SLC24A4: variants seen among roughly 807,000 people sequenced by gnomAD.
SLC24A4 encodes the protein sodium/potassium/calcium exchanger 4.
Under a neutral mutation model 79.0 loss-of-function variants are expected in SLC24A4, and 53 were observed. The observed-to-expected ratio is 0.67, with a 90% CI of 0.54 to 0.84. SLC24A4 has a LOEUF of 0.84. Ranked by LOEUF, SLC24A4 falls within the 40% of genes least tolerant of loss-of-function variation. SLC24A4 has a pLI of 0.00. For missense variants in SLC24A4, 731 were observed against 822.0 expected, an observed-to-expected ratio of 0.89 and a Z score of 1.35; for synonymous variants, 323 against 323.8, an observed-to-expected ratio of 1.00 and a Z score of 0.03.
chr14:92,407,857 T>TTGTG (rs60398538), intron 2 of SLC24A4, among the ~76,000 whole-genome samples: 7,402 of 143,498 alleles, frequency 0.052, 289 homozygotes, highest in African/African-American at 0.1. Flanking sequence ...CAGAGTGATA[T>TTGTG]TGTGTGTGTG....
intron 2 of SLC24A4, among the ~76,000 whole-genome samples, chr14:92,388,567 T>C (rs1386249046): frequency 6.6e-6 from 1 of 152,200 alleles, no homozygotes; most frequent in East Asian, 1.9e-4. Flanking sequence ...CCCTCCTGGC[T>C]CTCGCTGTCT....
intron 12 of SLC24A4, among the ~76,000 whole-genome samples, chr14:92,466,759 T>C (rs1433602619): frequency 4.6e-5 from 7 of 152,062 alleles, no homozygotes; most frequent in Non-Finnish European, 1.5e-5. Flanking sequence ...AATAATAGGA[T>C]TCAGAGGGCA....
chr14:92,463,413 A>G (rs974448712), intron 12 of SLC24A4, among the ~76,000 whole-genome samples: 3 of 152,192 alleles, frequency 2.0e-5, no homozygotes, highest in Non-Finnish European at 2.9e-5. Flanking sequence ...GTGCAGTTCC[A>G]TACACAGTTC....
At chr14:92,356,285 A>G (rs1277609804) in intron 2 of SLC24A4, among the ~76,000 whole-genome samples, 4 of 152,228 alleles carry the variant, frequency 2.6e-5, no homozygotes, top group Non-Finnish European at 5.9e-5. Flanking sequence ...ATGTGACCCC[A>G]TCGTAAGTTG....
chr14:92,391,471 A>G (rs1889457471), intron 2 of SLC24A4, among the ~76,000 whole-genome samples: 1 of 152,152 alleles, frequency 6.6e-6, no homozygotes, highest in Non-Finnish European at 1.5e-5. Context: ...GCTCCAGGAA[A>G]ACAACCTGTC....
At chr14:92,474,811 ACATATATATACATATATATG>A (rs1188457862) in intron 12 of SLC24A4, among the ~76,000 whole-genome samples, 2 of 74,870 alleles carry the variant, frequency 2.7e-5, no homozygotes, top group African/African-American at 9.8e-5. Flanking sequence ...ATACATATAT[ACATATATATACATATATATG>A]TGTGTGTGTG....
intron 2 of SLC24A4, among the ~76,000 whole-genome samples, chr14:92,326,881 T>G (rs774138097): frequency 3.2e-4 from 49 of 152,198 alleles, no homozygotes; most frequent in Admixed American, 8.5e-4. Flanking sequence ...GGCAGAATAG[T>G]TGCCTGTTGT....
intron 2 of SLC24A4, among the ~76,000 whole-genome samples, chr14:92,418,367 G>A (rs1566752310): frequency 6.6e-6 from 1 of 152,084 alleles, no homozygotes; most frequent in Non-Finnish European, 1.5e-5. Flanking sequence ...GGGCAGCTGT[G>A]GCTCCTCACT....
rs1895314958 is a variant in SLC24A4, at chr14:92,485,699, G to A, written c.1423-967G>A. Among the ~76,000 whole-genome samples the A allele has an allele frequency of 2.0e-5, 3 of 152,108 alleles. No individual in the cohort carries two copies. In the South Asian group the frequency reaches 6.2e-4, roughly 32 times the overall value. ...AAAAGTATTTCATGACATTTGAGTG[G>A]GTGAGAGAATCAGGAAGATCAAATT... On this transcript the variant is annotated intron_variant, in intron 13 of 16. Coordinates refer to ENST00000532405, the MANE Select transcript of SLC24A4 (RefSeq NM_153646.4).
chr14:92,343,642 CTCT>C lies in SLC24A4; in HGVS notation c.241+17666_241+17668del, dbSNP rs1886325804. On this transcript the variant is annotated intron_variant, in intron 2 of 16. Coordinates refer to ENST00000532405, the MANE Select transcript of SLC24A4 (RefSeq NM_153646.4). The stretch of plus-strand genomic sequence containing the variant: ...TTTCTTTCTTTCTTTCTTTCTTTCT[CTCT>C]TTCCTTCTTTCCTTCCTTCCTTCCT... Among the ~76,000 whole-genome samples the C allele has an allele frequency of 1.8e-3, 85 of 46,306 alleles. 1 individual carries two copies. The highest frequency in any genetic ancestry group is 3.6e-3 in the South Asian group (4 of 1,118). The allele number at this position is 46,306 out of a possible 152,430, so 30.4% of individuals were successfully genotyped here.
intron 2 of SLC24A4, among the ~76,000 whole-genome samples, chr14:92,380,715 C>T (rs1240422586): frequency 6.6e-6 from 1 of 152,218 alleles, no homozygotes; most frequent in East Asian, 1.9e-4. Flanking sequence ...AGCACCAGGA[C>T]TCTCAGTGTG....
chr14:92,467,457 G>C (rs1894186891), intron 12 of SLC24A4, among the ~76,000 whole-genome samples: 1 of 152,156 alleles, frequency 6.6e-6, no homozygotes. Context: ...CATACTTAAT[G>C]GTGAAAGACT....
At chr14:92,370,949 A>C (rs1196785068) in intron 2 of SLC24A4, among the ~76,000 whole-genome samples, 1 of 152,230 alleles carries the variant, frequency 6.6e-6, no homozygotes, top group African/African-American at 2.4e-5. Context: ...GGAATTCCTC[A>C]AAATTAGGTG....
chr14:92,362,700 A>G (rs548254157), intron 2 of SLC24A4, among the ~76,000 whole-genome samples: 2 of 152,306 alleles, frequency 1.3e-5, no homozygotes, highest in African/African-American at 4.8e-5. Flanking sequence ...CCGAGGCGGC[A>G]CCAGTGTGCT....
intron 2 of SLC24A4, among the ~76,000 whole-genome samples, chr14:92,329,233 T>C (rs1380620512): frequency 6.6e-6 from 1 of 152,188 alleles, no homozygotes; most frequent in African/African-American, 2.4e-5. Context: ...CCACTTGGAG[T>C]GGGTGTCCCA....
chr14:92,432,789 A>G (rs983471274), intron 2 of SLC24A4, among the ~76,000 whole-genome samples: 39 of 152,118 alleles, frequency 2.6e-4, no homozygotes, highest in African/African-American at 8.7e-4. Context: ...AATCAGAAAA[A>G]TTTCCATATA....
chr14:92,453,773 C>A, intron 10 of SLC24A4, 127 bp from the exon 11 acceptor site: 1 of 1,042,504 alleles, frequency 9.6e-7, no homozygotes, highest in African/African-American at 1.7e-5. Context: ...TCCAGACTTC[C>A]CGGTGGCTGC....
At chr14:92,359,093 G>C (rs1330214241) in intron 2 of SLC24A4, among the ~76,000 whole-genome samples, 4 of 152,244 alleles carry the variant, frequency 2.6e-5, no homozygotes, top group African/African-American at 9.6e-5. Flanking sequence ...ATCTAGTCTA[G>C]GAGGCCAGTC....
intron 2 of SLC24A4, among the ~76,000 whole-genome samples, chr14:92,388,680 C>T (rs951374565): frequency 6.6e-5 from 10 of 152,310 alleles, no homozygotes; most frequent in South Asian, 2.1e-4. Flanking sequence ...GGGAAGGGGA[C>T]GTCAGAGATG....
Sources: gnomAD v4.1 joint callset for allele counts (sites outside exome capture counted in the v4.1 genomes callset) on GRCh38, gnomAD v4.1.1 for gene constraint, MANE v1.5 for transcripts, NCBI Gene and HGNC (gene_info 2026-07-23, HGNC 2026-07-21) for gene names.